Variants in FSTL4 observed in about 807,000 individuals in gnomAD.
The protein encoded by FSTL4 is follistatin like 4.
In FSTL4, 28 loss-of-function variants were observed where a neutral mutation model predicts 78.2. That is an observed-to-expected ratio of 0.36 (90% CI 0.27 to 0.49). The LOEUF (loss-of-function observed/expected upper bound fraction) is 0.49. Ranked by LOEUF, FSTL4 falls within the 20% of genes least tolerant of loss-of-function variation. The pLI, the probability that FSTL4 is intolerant of heterozygous loss-of-function variation, is 0.98. For missense variants in FSTL4, 922 were observed against 1,084.9 expected, an observed-to-expected ratio of 0.85 and a Z score of 2.11; for synonymous variants, 422 against 440.5, an observed-to-expected ratio of 0.96 and a Z score of 0.53.
the FSTL4 span, among the ~76,000 whole-genome samples, chr5:133,712,770 C>G: frequency 1.3e-5 from 2 of 152,178 alleles, no homozygotes; most frequent in East Asian, 1.9e-4. Context: ...GCTTAAGGGC[C>G]AGGATTCCCA....
At chr5:133,768,833 T>C in the FSTL4 span, among the ~76,000 whole-genome samples, 861 of 152,300 alleles carry the variant, frequency 5.7e-3, 10 homozygotes, top group African/African-American at 0.019. Context: ...TTGAAAAGTG[T>C]TTCAATGCAA....
rs139034431 is a variant in FSTL4 at position 133,403,605 on chromosome 5, C to T, written c.161-2619G>A. 1.1e-3 allele frequency among the ~76,000 whole-genome samples: 168 copies of T among 152,326 alleles called. 2 individuals carry two copies. In the East Asian group the frequency reaches 0.027, roughly 25 times the overall value. The stretch of plus-strand genomic sequence containing the variant: ...GCTCGGATGGGGAGGGTGGTGAAGC[C>T]TCACATGTGTTGACCCGGTAGGGGT... On this transcript the variant is annotated intron_variant, in intron 3 of 15. Coordinates refer to ENST00000265342, the MANE Select transcript of FSTL4 (RefSeq NM_015082.2).
intron 3 of FSTL4, among the ~76,000 whole-genome samples, chr5:133,528,205 G>C (rs77684164): frequency 0.024 from 3,642 of 152,286 alleles, 62 homozygotes; most frequent in Non-Finnish European, 0.036. Context: ...ACAAAGGGGG[G>C]ATTTCCCACA....
At chr5:133,779,597 C>CA in the FSTL4 span, among the ~76,000 whole-genome samples, 1 of 151,934 alleles carries the variant, frequency 6.6e-6, no homozygotes, top group Non-Finnish European at 1.5e-5. Context: ...AAAAACAAAA[C>CA]AAAAAAAGAA....
chr5:133,649,935 A>AT, the FSTL4 span, among the ~76,000 whole-genome samples: 1 of 152,054 alleles, frequency 6.6e-6, no homozygotes, highest in Non-Finnish European at 1.5e-5. Flanking sequence ...TCACAAAAAA[A>AT]AAAAGGTTTA....
the FSTL4 span, among the ~76,000 whole-genome samples, chr5:133,694,251 G>A: frequency 6.6e-6 from 1 of 152,234 alleles, no homozygotes; most frequent in Non-Finnish European, 1.5e-5. Context: ...CCTCTGGACT[G>A]TGCTGTCCTC....
intron 3 of FSTL4, among the ~76,000 whole-genome samples, chr5:133,507,259 T>C (rs1758628343): frequency 6.6e-6 from 1 of 152,190 alleles, no homozygotes; most frequent in South Asian, 2.1e-4. Flanking sequence ...AATATTAGTT[T>C]AGTTTAATTT....
the FSTL4 span, among the ~76,000 whole-genome samples, chr5:133,687,435 T>C: frequency 6.6e-6 from 1 of 152,148 alleles, no homozygotes; most frequent in Non-Finnish European, 1.5e-5. Flanking sequence ...GAGTTTACCT[T>C]TCAATCCCGC....
At chr5:133,513,084 G>A (rs34989231) in intron 3 of FSTL4, among the ~76,000 whole-genome samples, 3,972 of 152,198 alleles carry the variant, frequency 0.026, 83 homozygotes, top group Middle Eastern at 0.075. Context: ...GCCTCCCAAT[G>A]TGCTGGGATT....
the FSTL4 span, among the ~76,000 whole-genome samples, chr5:133,704,630 T>A: frequency 6.6e-6 from 1 of 152,376 alleles, no homozygotes; most frequent in East Asian, 1.9e-4. Flanking sequence ...GATTCAAATT[T>A]ACAGCAGCTC....
At chr5:133,525,009 A>G (rs1051608738) in intron 3 of FSTL4, among the ~76,000 whole-genome samples, 2 of 152,192 alleles carry the variant, frequency 1.3e-5, no homozygotes, top group African/African-American at 4.8e-5. Flanking sequence ...CATGGATCAG[A>G]AAGTCCTCTG....
chr5:133,314,240 C>A (rs1478608963), intron 5 of FSTL4, among the ~76,000 whole-genome samples: 1 of 152,246 alleles, frequency 6.6e-6, no homozygotes, highest in Admixed American at 6.5e-5. Context: ...CCAGAGCAGC[C>A]TGAGTCACCT....
chr5:133,228,832 G>A (rs1280891660), intron 8 of FSTL4, among the ~76,000 whole-genome samples: 4 of 152,108 alleles, frequency 2.6e-5, no homozygotes, highest in Non-Finnish European at 5.9e-5. Flanking sequence ...TGGGAAAAAA[G>A]AAAAAGGACA....
intron 6 of FSTL4, among the ~76,000 whole-genome samples, chr5:133,262,830 C>T (rs1318783922): frequency 3.9e-5 from 6 of 152,158 alleles, no homozygotes; most frequent in African/African-American, 7.2e-5. Context: ...GTGGAAAAGC[C>T]ACCCTGACTG....
intron 6 of FSTL4, among the ~76,000 whole-genome samples, chr5:133,260,906 C>G (rs995155162): frequency 3.3e-5 from 5 of 152,064 alleles, no homozygotes; most frequent in African/African-American, 1.2e-4. Context: ...AAAGTGGAAA[C>G]GTGGAGTAAG....
chr5:133,561,320 G>T (rs1046389112), intron 3 of FSTL4, among the ~76,000 whole-genome samples: 1 of 151,772 alleles, frequency 6.6e-6, no homozygotes, highest in Non-Finnish European at 1.5e-5. Context: ...CTGTGCCAAG[G>T]CGTCTGCACA....
chr5:133,455,429 A>C (rs374823099), intron 3 of FSTL4, among the ~76,000 whole-genome samples: 6 of 152,354 alleles, frequency 3.9e-5, no homozygotes, highest in Middle Eastern at 3.4e-3. Flanking sequence ...AAAACATTGC[A>C]ACTGCTACCG....
the FSTL4 span, among the ~76,000 whole-genome samples, chr5:133,815,011 G>A: frequency 6.6e-6 from 1 of 152,166 alleles, no homozygotes; most frequent in Non-Finnish European, 1.5e-5. Context: ...CCTCACCACA[G>A]AACAACTGAA....
intron 3 of FSTL4, among the ~76,000 whole-genome samples, chr5:133,478,653 C>T (rs1757966505): frequency 6.6e-6 from 1 of 152,168 alleles, no homozygotes; most frequent in Non-Finnish European, 1.5e-5. Flanking sequence ...TTGCCTCATC[C>T]TTTTCCTTAC....
Sources: gnomAD v4.1 joint callset for allele counts (sites outside exome capture counted in the v4.1 genomes callset) on GRCh38, gnomAD v4.1.1 for gene constraint, MANE v1.5 for transcripts, NCBI Gene and HGNC (gene_info 2026-07-23, HGNC 2026-07-21) for gene names.